FRYL: variants seen among roughly 807,000 people sequenced by gnomAD.
FRYL encodes the protein FRY like transcription coactivator, also known as protein furry homolog-like.
FRYL carries 150 observed loss-of-function variants against 351.2 expected under a neutral mutation model. The ratio of observed to expected loss-of-function variants is 0.43; its 90% CI spans 0.37 to 0.49. The LOEUF (loss-of-function observed/expected upper bound fraction) is 0.49. Ranked by LOEUF, FRYL falls within the 20% of genes least tolerant of loss-of-function variation. The probability of loss-of-function intolerance (pLI) is 0.00; values close to 1 mark genes in which losing one functional copy is unlikely to be tolerated. For missense variants in FRYL, 3,036 were observed against 3,619.3 expected (o/e 0.84, Z 4.13); for synonymous variants, 1,153 against 1,257.1 (o/e 0.92, Z 1.75).
rs1719041523 is a variant in FRYL at position 48,499,376 on chromosome 4, C to T, written c.*46G>A. On this transcript the variant is annotated 3_prime_UTR_variant, in exon 64 of 64. Coordinates refer to ENST00000358350, the MANE Select transcript of FRYL (RefSeq NM_015030.2). ...CCATAAAAGGTGCTTGGTTAATATT[C>T]TTCATCATCTTCAGTTTAGTTTCTT... The T allele has an allele frequency of 6.3e-7, 1 of 1,578,500 alleles. No homozygotes were observed. The highest frequency in any genetic ancestry group is 1.4e-5 in the African/African-American group (1 of 74,032).
intron 9 of FRYL, 64 bp downstream of exon 9, chr4:48,608,923 T>G (rs1449273734): frequency 2.1e-6 from 2 of 959,244 alleles, no homozygotes; most frequent in Non-Finnish European, 1.7e-6. Context: ...ATCTATTGTA[T>G]TCATTGGTAA....
At chr4:48,612,079 A>C (rs1429463158) in intron 7 of FRYL, among the ~76,000 whole-genome samples, 1 of 152,168 alleles carries the variant, frequency 6.6e-6, no homozygotes, top group Non-Finnish European at 1.5e-5. Context: ...AATCCTTACT[A>C]AATAACCATT....
intron 13 of FRYL, among the ~76,000 whole-genome samples, chr4:48,599,989 C>G (rs1745380774): frequency 6.6e-6 from 1 of 151,866 alleles, no homozygotes; most frequent in South Asian, 2.1e-4. Context: ...TGCCTGTAAT[C>G]CCAGCTACTC....
chr4:48,752,752 A>G (rs1388034276), intron 1 of FRYL, among the ~76,000 whole-genome samples: 1 of 152,246 alleles, frequency 6.6e-6, no homozygotes, highest in East Asian at 1.9e-4. Flanking sequence ...TCACATTACT[A>G]TTGTCACAAC....
intron 9 of FRYL, 51 bp downstream of exon 9, chr4:48,608,936 A>C (rs1560706901): frequency 9.2e-7 from 1 of 1,083,534 alleles, no homozygotes; most frequent in East Asian, 2.4e-5. Context: ...ATTGGTAATG[A>C]AGCATTCTAA....
At chr4:48,574,891 T>C (rs34635008) in intron 25 of FRYL, among the ~76,000 whole-genome samples, 62,656 of 151,990 alleles carry the variant, frequency 0.41, 14,225 homozygotes, top group Admixed American at 0.56. Context: ...AGTTTTAATC[T>C]GCTCAATCAA....
intron 3 of FRYL, among the ~76,000 whole-genome samples, chr4:48,643,805 G>A (rs1755806004): frequency 6.6e-6 from 1 of 152,064 alleles, no homozygotes; most frequent in Admixed American, 6.5e-5. Context: ...TCATACAGAG[G>A]AAAGGACAAG....
intron 19 of FRYL, among the ~76,000 whole-genome samples, chr4:48,583,326 T>C (rs1036549280): frequency 3.3e-5 from 5 of 152,092 alleles, no homozygotes; most frequent in African/African-American, 1.2e-4. Context: ...TAATTTTTTG[T>C]ATTTTTAGTA....
At chr4:48,587,082 T>A (rs184208901) in intron 18 of FRYL, among the ~76,000 whole-genome samples, 59 of 151,968 alleles carry the variant, frequency 3.9e-4, no homozygotes, top group African/African-American at 1.3e-3. Context: ...TTAAAATAAA[T>A]AGCACTGATA....
chr4:48,694,208 G>A (rs1423165425), intron 2 of FRYL, among the ~76,000 whole-genome samples: 1 of 152,028 alleles, frequency 6.6e-6, no homozygotes, highest in Non-Finnish European at 1.5e-5. Flanking sequence ...TGGGGGGTGG[G>A]AGGTGGAGGA....
At chr4:48,641,612 T>C (rs1755339954) in intron 3 of FRYL, among the ~76,000 whole-genome samples, 3 of 152,212 alleles carry the variant, frequency 2.0e-5, no homozygotes, top group Non-Finnish European at 2.9e-5. Context: ...TTATAGCGCA[T>C]TTATGATGAA....
intron 47 of FRYL, among the ~76,000 whole-genome samples, chr4:48,537,000 T>G (rs187243255): frequency 6.6e-6 from 1 of 152,142 alleles, no homozygotes; most frequent in African/African-American, 2.4e-5. Context: ...TAAAACCAGC[T>G]GATTTCATGC....
intron 10 of FRYL, among the ~76,000 whole-genome samples, chr4:48,606,097 GAAAAAAAAAAAAAA>G (rs59467789): frequency 1.7e-5 from 1 of 57,544 alleles, no homozygotes; most frequent in Non-Finnish European, 3.3e-5. Context: ...CTCTACTAAA[GAAAAAAAAAAAAAA>G]AAAAAAAAAA....
chr4:48,732,269 G>C (rs971769032), intron 1 of FRYL, among the ~76,000 whole-genome samples: 1 of 152,112 alleles, frequency 6.6e-6, no homozygotes, highest in Non-Finnish European at 1.5e-5. Context: ...TAAAAAGCCA[G>C]GAAACAATAG....
intron 2 of FRYL, among the ~76,000 whole-genome samples, chr4:48,694,848 G>A (rs994478880): frequency 1.3e-5 from 2 of 152,140 alleles, no homozygotes; most frequent in African/African-American, 2.4e-5. Flanking sequence ...AACGCAGGGG[G>A]ATCACTTGAG....
At chr4:48,676,084 G>A (rs1195434237) in intron 3 of FRYL, among the ~76,000 whole-genome samples, 3 of 152,038 alleles carry the variant, frequency 2.0e-5, no homozygotes, top group East Asian at 1.9e-4. Flanking sequence ...CAATCAACAC[G>A]GTGTCAAAAC....
chr4:48,617,438 C>A (rs1749734441), intron 7 of FRYL, among the ~76,000 whole-genome samples: 2 of 151,486 alleles, frequency 1.3e-5, no homozygotes, highest in Non-Finnish European at 2.9e-5. Context: ...AACCTCAAAT[C>A]CCTAGGCTCA....
chr4:48,626,781 A>T (rs1329371640), intron 4 of FRYL, among the ~76,000 whole-genome samples: 2 of 152,168 alleles, frequency 1.3e-5, no homozygotes, highest in East Asian at 3.8e-4. Context: ...TCTATCCAGT[A>T]GTCCCAATTT....
At chr4:48,751,157 C>T (rs2149665489) in intron 1 of FRYL, among the ~76,000 whole-genome samples, 1 of 151,684 alleles carries the variant, frequency 6.6e-6, no homozygotes, top group Middle Eastern at 3.4e-3. Context: ...AAAATCATCC[C>T]AAATAAAAGA....
Sources: gnomAD v4.1 joint callset for allele counts (sites outside exome capture counted in the v4.1 genomes callset) on GRCh38, gnomAD v4.1.1 for gene constraint, MANE v1.5 for transcripts, NCBI Gene and HGNC (gene_info 2026-07-23, HGNC 2026-07-21) for gene names.